ATRNL1: variants seen among roughly 807,000 people sequenced by gnomAD.
ATRNL1 encodes attractin like 1.
ATRNL1 carries 95 observed loss-of-function variants against 182.7 expected under a neutral mutation model. That is an observed-to-expected ratio of 0.52 (90% CI 0.44 to 0.62). The LOEUF (loss-of-function observed/expected upper bound fraction) is 0.62, where lower values mean the gene tolerates loss of function less well. Ranked by LOEUF, ATRNL1 falls within the 20% of genes least tolerant of loss-of-function variation. ATRNL1 has a pLI of 0.00. For synonymous variants in ATRNL1, 576 were observed against 568.3 expected, an observed-to-expected ratio of 1.01 and a Z score of -0.19; for missense variants, 1,471 against 1,679.5, an observed-to-expected ratio of 0.88 and a Z score of 2.17.
chr10:115,559,575 T>C (rs1853567272), intron 26 of ATRNL1, among the ~76,000 whole-genome samples: 1 of 152,234 alleles, frequency 6.6e-6, no homozygotes, highest in African/African-American at 2.4e-5. Flanking sequence ...TGGTTCCCTT[T>C]ATTTTAGCAT....
intron 26 of ATRNL1, among the ~76,000 whole-genome samples, chr10:115,645,237 T>C (rs1859528937): frequency 6.6e-6 from 1 of 151,812 alleles, no homozygotes; most frequent in Non-Finnish European, 1.5e-5. Flanking sequence ...ATAATATAAA[T>C]GGGAAACTGT....
chr10:115,373,699 G>A (rs909519680), intron 19 of ATRNL1, among the ~76,000 whole-genome samples: 2 of 151,776 alleles, frequency 1.3e-5, no homozygotes, highest in Non-Finnish European at 2.9e-5. Flanking sequence ...GCATCCCTAG[G>A]ATAAATCTTA....
At chr10:115,446,897 A>G (rs1403695980) in intron 21 of ATRNL1, among the ~76,000 whole-genome samples, 1 of 151,968 alleles carries the variant, frequency 6.6e-6, no homozygotes, top group African/African-American at 2.4e-5. Flanking sequence ...TGGATTTATG[A>G]AAGGTGGTTT....
intron 26 of ATRNL1, among the ~76,000 whole-genome samples, chr10:115,600,929 CTTTTTTTTT>C (rs58476140): frequency 7.7e-6 from 1 of 129,864 alleles, no homozygotes; most frequent in Non-Finnish European, 1.7e-5. Flanking sequence ...TTTTTATTTT[CTTTTTTTTT>C]TTTTTTTTTG....
At chr10:115,701,903 A>G (rs1555051626) in intron 26 of ATRNL1, among the ~76,000 whole-genome samples, 3 of 152,078 alleles carry the variant, frequency 2.0e-5, no homozygotes, top group Non-Finnish European at 4.4e-5. Context: ...TACTGAAACT[A>G]TTCCAAAAAA....
intron 19 of ATRNL1, among the ~76,000 whole-genome samples, chr10:115,354,509 C>G (rs1450734903): frequency 2.0e-5 from 3 of 152,064 alleles, no homozygotes; most frequent in Non-Finnish European, 4.4e-5. Flanking sequence ...AATATGCTAT[C>G]TTGCTCATTC....
chr10:115,257,484 G>T (rs1167001195), intron 10 of ATRNL1, among the ~76,000 whole-genome samples: 1 of 152,134 alleles, frequency 6.6e-6, no homozygotes, highest in African/African-American at 2.4e-5. Context: ...TTGCTTGGTA[G>T]ATCTTCCTCC....
intron 26 of ATRNL1, among the ~76,000 whole-genome samples, chr10:115,694,293 T>C (rs1202063621): frequency 1.3e-5 from 2 of 151,932 alleles, no homozygotes; most frequent in Non-Finnish European, 2.9e-5. Flanking sequence ...AATAAATTAC[T>C]GAAAAATATG....
At chr10:115,408,880 G>A (rs1458274520) in intron 20 of ATRNL1, among the ~76,000 whole-genome samples, 1 of 152,050 alleles carries the variant, frequency 6.6e-6, no homozygotes, top group African/African-American at 2.4e-5. Context: ...AAATCAGTTG[G>A]CTGTAGATAT....
chr10:115,255,786 G>C (rs976179162), intron 10 of ATRNL1, among the ~76,000 whole-genome samples: 7 of 152,232 alleles, frequency 4.6e-5, no homozygotes, highest in South Asian at 2.1e-4. Context: ...TTCATAAATA[G>C]CTCTTATTAT....
At position 115,803,599 on chromosome 10, in the gene ATRNL1, GT is replaced by G. The variant is rs71999018; in HGVS notation, c.3904-44268del. ...GTTTTAGAAGTTTGGGTTTTTTTGTGTTTTTTTTTTAACATTTTAAGCAAAT... is the reference window on the plus strand; with the variant it reads ...GTTTTAGAAGTTTGGGTTTTTTTGTGTTTTTTTTTAACATTTTAAGCAAAT... On this transcript the variant is annotated intron_variant, in intron 27 of 28. Transcript: ENST00000355044. Among the ~76,000 whole-genome samples the G allele has an allele frequency of 3.8e-4, 56 of 146,964 alleles. 1 individual carries two copies. The highest frequency in any genetic ancestry group is 3.8e-3 in the East Asian group (19 of 4,998).
At chr10:115,130,233 T>C (rs1469121233) in intron 5 of ATRNL1, among the ~76,000 whole-genome samples, 1 of 152,152 alleles carries the variant, frequency 6.6e-6, no homozygotes, top group Non-Finnish European at 1.5e-5. Flanking sequence ...CATTTACCTA[T>C]GAAGAGCTTC....
intron 1 of ATRNL1, among the ~76,000 whole-genome samples, chr10:115,100,542 C>T (rs1554864364): frequency 1.3e-5 from 2 of 152,040 alleles, no homozygotes; most frequent in Non-Finnish European, 1.5e-5. Context: ...TAGCTTTGCA[C>T]CTTTGTTGAA....
intron 8 of ATRNL1, among the ~76,000 whole-genome samples, chr10:115,182,612 C>T (rs12265099): frequency 6.6e-6 from 1 of 151,406 alleles, no homozygotes; most frequent in African/African-American, 2.4e-5. Flanking sequence ...ATTTAGGAGA[C>T]ATTTACAACA....
intron 5 of ATRNL1, among the ~76,000 whole-genome samples, chr10:115,144,214 C>G (rs1554878786): frequency 6.6e-6 from 1 of 151,940 alleles, no homozygotes; most frequent in African/African-American, 2.4e-5. Flanking sequence ...GTGGCGCGAT[C>G]TCGGCTCACT....
At chr10:115,908,696 C>A (rs1952576281) in intron 28 of ATRNL1, among the ~76,000 whole-genome samples, 1 of 152,212 alleles carries the variant, frequency 6.6e-6, no homozygotes, top group Admixed American at 6.5e-5. Flanking sequence ...GAACAGATTT[C>A]TCAGGGCACC....
chr10:115,593,197 A>G (rs1160573091), intron 26 of ATRNL1, among the ~76,000 whole-genome samples: 2 of 152,194 alleles, frequency 1.3e-5, no homozygotes, highest in Non-Finnish European at 2.9e-5. Flanking sequence ...TCTCATGGCA[A>G]CTAGCCCACT....
chr10:115,515,933 C>T (rs993360202), intron 24 of ATRNL1, among the ~76,000 whole-genome samples: 6 of 151,896 alleles, frequency 4.0e-5, no homozygotes, highest in African/African-American at 1.4e-4. Flanking sequence ...TCCCACCTAC[C>T]TTTCCACTTC....
intron 26 of ATRNL1, among the ~76,000 whole-genome samples, chr10:115,713,413 G>GAAAAAC (rs1444341818): frequency 4.0e-5 from 6 of 151,534 alleles, no homozygotes; most frequent in Admixed American, 2.0e-4. Context: ...ATAATGCGGA[G>GAAAAAC]AAAAACAAAA....
Sources: allele counts gnomAD v4.1 joint callset (sites outside exome capture counted in the v4.1 genomes callset), GRCh38; gene constraint gnomAD v4.1.1; transcripts MANE v1.5; gene names NCBI Gene and HGNC (gene_info 2026-07-23, HGNC 2026-07-21).